Variants in MPHOSPH6 observed in about 807,000 individuals in gnomAD.
MPHOSPH6 encodes M-phase phosphoprotein 6.
A neutral mutation model predicts 21.8 loss-of-function variants in MPHOSPH6; 25 were observed. The observed-to-expected ratio is 1.15, with a 90% CI of 0.83 to 1.60. The LOEUF (loss-of-function observed/expected upper bound fraction) is 1.60, where lower values mean the gene tolerates loss of function less well. Ranked by LOEUF, MPHOSPH6 falls within the 40% of genes most tolerant of loss-of-function variation. The probability of loss-of-function intolerance (pLI) is 0.00; values close to 1 mark genes in which losing one functional copy is unlikely to be tolerated. For missense variants in MPHOSPH6, 269 were observed against 181.8 expected (o/e 1.48, Z -2.76); for synonymous variants, 84 against 56.5 (o/e 1.49, Z -2.18).
chr16:82,165,114 C>CTTTTTTTTTTTTTTTTTTTTTTTTT lies in MPHOSPH6; in HGVS notation c.52-921_52-920insAAAAAAAAAAAAAAAAAAAAAAAAA, dbSNP rs1418457856. Among the ~76,000 whole-genome samples the CTTTTTTTTTTTTTTTTTTTTTTTTT allele has an allele frequency of 2.0e-4, 13 of 63,932 alleles. 4 individuals are homozygous for CTTTTTTTTTTTTTTTTTTTTTTTTT. The highest frequency in any genetic ancestry group is 4.5e-4 in the East Asian group (1 of 2,198). 41.9% of individuals were successfully genotyped at this position (63,932 alleles called of 152,430 possible). A position where few individuals can be genotyped will look rare whatever the true frequency, so the allele number is the denominator to read the frequency against. On this transcript the variant is annotated intron_variant, in intron 1 of 4. Coordinates refer to ENST00000258169, the MANE Select transcript of MPHOSPH6 (RefSeq NM_005792.2). Reference sequence around the variant, plus strand: ...TTTCCCTTATTCAGGTCCGATATTTCTTTTTTATTTTTTTTTTTATTTTTT... The same window carrying CTTTTTTTTTTTTTTTTTTTTTTTTT: ...TTTCCCTTATTCAGGTCCGATATTTCTTTTTTTTTTTTTTTTTTTTTTTTTTTTTTTATTTTTTTTTTTATTTTTT...
At position 82,148,739 on chromosome 16, in the gene MPHOSPH6, G is replaced by T. The variant is rs763414519; in HGVS notation, c.475C>A (p.Gln159Lys). The change falls in exon 5 of 5, where the codon CAG (glutamine) becomes AAG (lysine). Residue 159 changes from glutamine to lysine, a missense_variant. By Grantham distance (53) the Gln-to-Lys change is moderately conservative. Coordinates refer to ENST00000258169, the MANE Select transcript of MPHOSPH6 (RefSeq NM_005792.2). ...CGCTTAAGGCATCCATCTTAATCCT[G>T]GGGCTTTAAGAACATCTTCTTTGCT... Reference protein sequence around the residue: ...IKAKKMFLKPQD With the variant: ...IKAKKMFLKPKD The T allele has an allele frequency of 4.3e-6, 7 of 1,613,842 alleles. No individual in the cohort carries two copies.
intron 3 of MPHOSPH6, 76 bp from the exon 4 acceptor site, chr16:82,149,479 G>T: frequency 3.2e-6 from 4 of 1,254,024 alleles, no homozygotes; most frequent in Non-Finnish European, 4.6e-6. Flanking sequence ...TTACCTGAAG[G>T]CAGAGAAACT....
intron 1 of MPHOSPH6, 73 bp downstream of exon 1, chr16:82,170,052 G>A: frequency 1.3e-6 from 2 of 1,505,920 alleles, no homozygotes; most frequent in Admixed American, 2.2e-5. Context: ...TCCGCCCGCC[G>A]CCTCGGCCCC....
At chr16:82,156,639 T>C (rs1297106999) in intron 2 of MPHOSPH6, among the ~76,000 whole-genome samples, 2 of 152,222 alleles carry the variant, frequency 1.3e-5, no homozygotes, top group East Asian at 3.8e-4. Flanking sequence ...CACACTTCCT[T>C]AGTGAAAGTG....
At chr16:82,169,133 T>C (rs1906887943) in intron 1 of MPHOSPH6, among the ~76,000 whole-genome samples, 1 of 152,236 alleles carries the variant, frequency 6.6e-6, no homozygotes, top group African/African-American at 2.4e-5. Context: ...GCCATTTTCT[T>C]GATACTGTTC....
chr16:82,154,716 G>A (rs751774213), intron 2 of MPHOSPH6, among the ~76,000 whole-genome samples: 1 of 151,758 alleles, frequency 6.6e-6, no homozygotes, highest in Non-Finnish European at 1.5e-5. Flanking sequence ...AACTGGATCA[G>A]TCCTATATCT....
chr16:82,157,939 C>A (rs545847011), intron 2 of MPHOSPH6, among the ~76,000 whole-genome samples: 1 of 152,134 alleles, frequency 6.6e-6, no homozygotes, highest in African/African-American at 2.4e-5. Flanking sequence ...AAGATGTCAT[C>A]TTTTACTGTG....
chr16:82,159,942 C>A (rs1450722004), intron 2 of MPHOSPH6, among the ~76,000 whole-genome samples: 2 of 152,148 alleles, frequency 1.3e-5, no homozygotes, highest in African/African-American at 4.8e-5. Flanking sequence ...ATAGAGGGAG[C>A]AGCTGATGAG....
In MPHOSPH6 at chr16:82,148,660, A is replaced by T; in HGVS notation, c.*71T>A. The stretch of plus-strand genomic sequence containing the variant: ...CAGTATTAATAACTATAGAGACACC[A>T]TTGGGATGAGCTCCAGATGCCCTGC... On this transcript the variant is annotated 3_prime_UTR_variant, in exon 5 of 5. Transcript: ENST00000258169. The T allele has an allele frequency of 2.6e-6, 4 of 1,560,634 alleles. No individual in the cohort carries two copies. In the South Asian group the frequency reaches 4.7e-5, roughly 18 times the overall value.
rs1409791203 is a variant in MPHOSPH6, at chr16:82,148,506, T to C, written c.*225A>G. 6 of 466,116 alleles carry C rather than the reference T, an allele frequency of 1.3e-5. No homozygotes were observed. Among genetic ancestry groups the C allele is most frequent in the Non-Finnish European group, 2.2e-5 (6 of 278,428 alleles). The allele number at this position is 466,116 out of a possible 1,614,324, so 28.9% of individuals were successfully genotyped here. On this transcript the variant is annotated 3_prime_UTR_variant, in exon 5 of 5. Transcript: ENST00000258169. ...GAAGCAGCCCTGTAACAATGTACAT[T>C]TGTAGATCAGGGGCTAAAAATCCAC...
At position 82,170,156 on chromosome 16, in the gene MPHOSPH6, G is replaced by C. The variant is rs1458118907; in HGVS notation, c.20C>G (p.Thr7Arg). 3.8e-6 allele frequency: 6 copies of C among 1,595,198 alleles called. No individual in the cohort carries two copies. The East Asian group carries it at 1.2e-4, about 31-fold the overall frequency. ...GCGCAGTAGATTCTTGGACAACCTT[G>C]TCTTTCGCTCGGCCGCCATGGTAGC... MAAERK[T>R]RLSKNLLRMK... Residue 7 changes from threonine to arginine, a missense_variant, in exon 1 of 5, where the codon ACA becomes AGA. By Grantham distance (71) the Thr-to-Arg change is moderately conservative. Coordinates refer to ENST00000258169, the MANE Select transcript of MPHOSPH6 (RefSeq NM_005792.2).
At chr16:82,151,559 A>G (rs931995544) in intron 2 of MPHOSPH6, 45 bp from the exon 3 acceptor site, 2 of 1,520,584 alleles carry the variant, frequency 1.3e-6, no homozygotes, top group African/African-American at 1.4e-5. Flanking sequence ...TATAAAGCAC[A>G]GCAAACAAAA....
At chr16:82,169,880 C>CT (rs1340974607) in intron 1 of MPHOSPH6, among the ~76,000 whole-genome samples, 2 of 152,226 alleles carry the variant, frequency 1.3e-5, no homozygotes, top group African/African-American at 2.4e-5. Context: ...AAGCTGTACC[C>CT]TGACTGCTTC....
At chr16:82,154,976 A>T (rs1906384272) in intron 2 of MPHOSPH6, among the ~76,000 whole-genome samples, 1 of 152,270 alleles carries the variant, frequency 6.6e-6, no homozygotes, top group Admixed American at 6.5e-5. Flanking sequence ...ATAAAATGTC[A>T]GCAAATTGAA....
At chr16:82,154,785 A>G (rs1327847026) in intron 2 of MPHOSPH6, among the ~76,000 whole-genome samples, 1 of 152,204 alleles carries the variant, frequency 6.6e-6, no homozygotes, top group Non-Finnish European at 1.5e-5. Flanking sequence ...TCAGATCCAG[A>G]TGGCTTCACT....
At chr16:82,157,741 A>G (rs916049087) in intron 2 of MPHOSPH6, among the ~76,000 whole-genome samples, 14 of 152,172 alleles carry the variant, frequency 9.2e-5, no homozygotes, top group African/African-American at 2.9e-4. Flanking sequence ...GTGACATCTG[A>G]GCAAGGACCA....
chr16:82,160,292 A>C (rs1906567001), intron 2 of MPHOSPH6, among the ~76,000 whole-genome samples: 1 of 152,182 alleles, frequency 6.6e-6, no homozygotes, highest in Non-Finnish European at 1.5e-5. Context: ...TTTCAGGCTA[A>C]AACACACCCA....
At chr16:82,154,633 G>T (rs1455435621) in intron 2 of MPHOSPH6, among the ~76,000 whole-genome samples, 1 of 150,436 alleles carries the variant, frequency 6.6e-6, no homozygotes, top group Non-Finnish European at 1.5e-5. Context: ...AACACCAATA[G>T]AACTTATATA....
At chr16:82,165,456 C>T (rs541098800) in intron 1 of MPHOSPH6, among the ~76,000 whole-genome samples, 126 of 152,106 alleles carry the variant, frequency 8.3e-4, no homozygotes, top group African/African-American at 3.0e-3. Flanking sequence ...TCTATTCCAC[C>T]TTTTCCAAAC....
Sources: allele counts gnomAD v4.1 joint callset (sites outside exome capture counted in the v4.1 genomes callset), GRCh38; gene constraint gnomAD v4.1.1; transcripts MANE v1.5; gene names NCBI Gene and HGNC (gene_info 2026-07-23, HGNC 2026-07-21).